PPP6R3: variants seen among roughly 807,000 people sequenced by gnomAD.
The protein encoded by PPP6R3 is serine/threonine-protein phosphatase 6 regulatory subunit 3.
In PPP6R3, 38 loss-of-function variants were observed where a neutral mutation model predicts 110.7. The observed-to-expected ratio is 0.34, with a 90% CI of 0.26 to 0.45. PPP6R3 has a LOEUF of 0.45. Ranked by LOEUF, PPP6R3 falls within the 20% of genes least tolerant of loss-of-function variation. The probability of loss-of-function intolerance (pLI) is 1.00; values close to 1 mark genes in which losing one functional copy is unlikely to be tolerated. For synonymous variants in PPP6R3, 369 were observed against 373.5 expected (o/e 0.99, Z 0.14); for missense variants, 870 against 1,062.4 (o/e 0.82, Z 2.52).
chr11:68,590,340 T>A (rs1262173672), intron 16 of PPP6R3, among the ~76,000 whole-genome samples: 1 of 152,200 alleles, frequency 6.6e-6, no homozygotes, highest in South Asian at 2.1e-4. Flanking sequence ...ATAACCTTTT[T>A]CTTGGTTATA....
At chr11:68,485,856 G>A (rs999559552) in intron 1 of PPP6R3, among the ~76,000 whole-genome samples, 3 of 151,920 alleles carry the variant, frequency 2.0e-5, no homozygotes, top group Non-Finnish European at 4.4e-5. Context: ...CATCATGCCC[G>A]GCGACAGATT....
Position 68,613,244 on chromosome 11 carries a change from A to G in PPP6R3, c.*127A>G, listed in dbSNP as rs574643393. 4.8e-6 allele frequency: 7 copies of G among 1,449,104 alleles called. No homozygotes were observed. Among genetic ancestry groups the G allele is most frequent in the African/African-American group, 1.4e-5 (1 of 69,752 alleles). 89.8% of individuals were successfully genotyped at this position (1,449,104 alleles called of 1,614,324 possible). A position where few individuals can be genotyped will look rare whatever the true frequency, so the allele number is the denominator to read the frequency against. ...ACTCTGCAAGGGATCAGGACCAGCA[A>G]CCTTTATATTCTAGATTCTAAGACA... On this transcript the variant is annotated 3_prime_UTR_variant, in exon 24 of 24. Transcript: ENST00000393800.
chr11:68,463,622 C>T (rs2098724133), intron 1 of PPP6R3, among the ~76,000 whole-genome samples: 1 of 152,134 alleles, frequency 6.6e-6, no homozygotes, highest in African/African-American at 2.4e-5. Context: ...ATCTGCTCAA[C>T]TAAAACTCAG....
chr11:68,475,747 G>A (rs1373736914), intron 1 of PPP6R3, among the ~76,000 whole-genome samples: 2 of 151,842 alleles, frequency 1.3e-5, no homozygotes, highest in Admixed American at 1.3e-4. Flanking sequence ...CTCAGACGGG[G>A]CGGCTGCCGG....
At chr11:68,569,292 A>G (rs2099492940) in intron 10 of PPP6R3, among the ~76,000 whole-genome samples, 1 of 152,158 alleles carries the variant, frequency 6.6e-6, no homozygotes, top group South Asian at 2.1e-4. Flanking sequence ...AGTCCTCGTT[A>G]TTTATGAGGG....
intron 2 of PPP6R3, among the ~76,000 whole-genome samples, chr11:68,523,149 A>C (rs1185899513): frequency 6.6e-6 from 1 of 152,174 alleles, no homozygotes. Context: ...ATTTTGGTTA[A>C]TTATTCCCGG....
In PPP6R3 at chr11:68,542,389, GTT is replaced by G. The variant is rs34666175; in HGVS notation, c.228-2428_228-2427del. 1.2e-3 allele frequency among the ~76,000 whole-genome samples: 49 copies of G among 40,208 alleles called. 2 individuals are homozygous for G. The highest frequency in any genetic ancestry group is 0.011 in the South Asian group (6 of 558). The allele number at this position is 40,208 out of a possible 152,430, so 26.4% of individuals were successfully genotyped here. ...ATCTTTGGGTGCTTGAGAAGCTGCT[GTT>G]TTTTTTTTTTTTTTTTTTTTAAGAC... On this transcript the variant is annotated intron_variant, in intron 3 of 23. Transcript: ENST00000393800.
chr11:68,481,373 C>A (rs1456692419), intron 1 of PPP6R3, among the ~76,000 whole-genome samples: 1 of 152,170 alleles, frequency 6.6e-6, no homozygotes, highest in African/African-American at 2.4e-5. Flanking sequence ...GAGCACACTG[C>A]TGATCCCAGA....
intron 1 of PPP6R3, among the ~76,000 whole-genome samples, chr11:68,518,340 T>G (rs2099147179): frequency 6.6e-6 from 1 of 152,172 alleles, no homozygotes; most frequent in South Asian, 2.1e-4. Context: ...AAAGCTTCAT[T>G]TATGTAGTAC....
At chr11:68,463,829 C>A (rs764066725) in intron 1 of PPP6R3, among the ~76,000 whole-genome samples, 2 of 152,188 alleles carry the variant, frequency 1.3e-5, no homozygotes, top group Admixed American at 6.5e-5. Flanking sequence ...CCCTCACCCC[C>A]CAGGAAACAT....
At chr11:68,592,272 A>AT (rs1240712467) in intron 18 of PPP6R3, among the ~76,000 whole-genome samples, 2 of 152,214 alleles carry the variant, frequency 1.3e-5, no homozygotes, top group East Asian at 3.9e-4. Flanking sequence ...AGAGAGGAAT[A>AT]TTTGATCAGC....
At chr11:68,564,462 C>T (rs376877784) in intron 9 of PPP6R3, 30 bp downstream of exon 9, 21 of 1,611,340 alleles carry the variant, frequency 1.3e-5, no homozygotes, top group South Asian at 3.3e-5. Context: ...CATGGCTGCC[C>T]AGCGAGTAAT....
At chr11:68,477,135 A>G (rs930458182) in intron 1 of PPP6R3, among the ~76,000 whole-genome samples, 30 of 151,944 alleles carry the variant, frequency 2.0e-4, no homozygotes, top group African/African-American at 6.5e-4. Flanking sequence ...TCACTATTCT[A>G]TGTGTGTTTA....
intron 6 of PPP6R3, among the ~76,000 whole-genome samples, chr11:68,552,501 G>A (rs1314036989): frequency 5.3e-5 from 8 of 152,238 alleles, no homozygotes; most frequent in Admixed American, 5.2e-4. Context: ...AGTTGTTACT[G>A]TTAGCAGAGT....
chr11:68,608,021 G>A (rs1182560714), intron 22 of PPP6R3, among the ~76,000 whole-genome samples: 6 of 142,430 alleles, frequency 4.2e-5, no homozygotes, highest in Non-Finnish European at 9.0e-5. Flanking sequence ...CTCCTTCCTC[G>A]GCAGGACTTC....
chr11:68,476,297 C>A (rs1306859036), intron 1 of PPP6R3, among the ~76,000 whole-genome samples: 2 of 152,110 alleles, frequency 1.3e-5, no homozygotes, highest in African/African-American at 4.8e-5. Flanking sequence ...CCCGTCTCCA[C>A]CAAAAAAATA....
chr11:68,613,894 T>G lies in PPP6R3; in HGVS notation c.*777T>G, dbSNP rs1010680430. The G allele has an allele frequency of 1.0e-6, 1 of 969,104 alleles. No homozygotes were observed. Among genetic ancestry groups the G allele is most frequent in the Non-Finnish European group, 1.2e-6 (1 of 824,278 alleles). The allele number at this position is 969,104 out of a possible 1,614,324, so 60.0% of individuals were successfully genotyped here. A position where few individuals can be genotyped will look rare whatever the true frequency, so the allele number is the denominator to read the frequency against. On this transcript the variant is annotated 3_prime_UTR_variant, in exon 24 of 24. Coordinates refer to ENST00000393800, the MANE Select transcript of PPP6R3 (RefSeq NM_001164161.2). ...TTTGGAGTGTATATGGCTTGTGTTT[T>G]GGGATTTTTTTTTTTTTTTTTTGGC...
At position 68,504,218 on chromosome 11, in the gene PPP6R3, G is replaced by GT. The variant is rs140631559; in HGVS notation, c.-157-15273dup. ...TATATTCTTGAAGAAAGTAGAAATT[G>GT]TTTTTTTTTTCTTACTATGCTCTAA... On this transcript the variant is annotated intron_variant, in intron 1 of 23. Coordinates refer to ENST00000393800, the MANE Select transcript of PPP6R3 (RefSeq NM_001164161.2). Among the ~76,000 whole-genome samples the GT allele has an allele frequency of 4.4e-3, 663 of 150,354 alleles. 2 individuals are homozygous for GT. Among genetic ancestry groups the GT allele is most frequent in the Non-Finnish European group, 5.4e-3 (362 of 67,438 alleles).
intron 1 of PPP6R3, among the ~76,000 whole-genome samples, chr11:68,466,951 T>G (rs2098752259): frequency 6.8e-6 from 1 of 147,876 alleles, no homozygotes. Flanking sequence ...TTTCACCGTG[T>G]TAGCCAGGAT....
Sources: allele counts gnomAD v4.1 joint callset (sites outside exome capture counted in the v4.1 genomes callset), GRCh38; gene constraint gnomAD v4.1.1; transcripts MANE v1.5; gene names NCBI Gene and HGNC (gene_info 2026-07-23, HGNC 2026-07-21).